CAPSL: variants seen among roughly 807,000 people sequenced by gnomAD.
CAPSL encodes the protein calcyphosin-like protein.
Under a neutral mutation model 21.3 loss-of-function variants are expected in CAPSL, and 17 were observed. That is an observed-to-expected ratio of 0.80 (90% CI 0.55 to 1.20). CAPSL has a LOEUF of 1.20. Among genes scored for constraint, CAPSL ranks in the 50% most tolerant of loss-of-function variants. The probability of loss-of-function intolerance (pLI) is 0.00; values close to 1 mark genes in which losing one functional copy is unlikely to be tolerated. For synonymous variants in CAPSL, 102 were observed against 89.3 expected (o/e 1.14, Z -0.80); for missense variants, 289 against 259.3 (o/e 1.11, Z -0.79).
chr5:35,938,465 T>C (rs1331349367), intron 1 of CAPSL, 76 bp downstream of exon 1: 6 of 152,026 alleles, frequency 3.9e-5, no homozygotes, highest in Admixed American at 3.3e-4. Flanking sequence ...ACATCTACTG[T>C]CTTCTTTTCT....
intron 1 of CAPSL, 114 bp from the exon 2 acceptor site, chr5:35,921,234 A>G (rs1738531446): frequency 7.6e-7 from 1 of 1,316,964 alleles, no homozygotes; most frequent in African/African-American, 1.5e-5. Flanking sequence ...CTGTCAGGAA[A>G]CCTCTCAGAA....
chr5:35,904,782 T>TA (rs1413457800), intron 4 of CAPSL, 136 bp from the exon 5 acceptor site: 268 of 1,303,516 alleles, frequency 2.1e-4, no homozygotes, highest in Middle Eastern at 2.8e-4. Flanking sequence ...GGAACTGATC[T>TA]AAAACAAAAG....
intron 2 of CAPSL, among the ~76,000 whole-genome samples, chr5:35,918,477 G>A (rs191335523): frequency 2.4e-4 from 36 of 152,276 alleles, no homozygotes; most frequent in African/African-American, 8.7e-4. Flanking sequence ...TGGAGGGCTA[G>A]GGGAGGGATA....
intron 2 of CAPSL, among the ~76,000 whole-genome samples, chr5:35,919,854 T>C (rs747873951): frequency 6.6e-6 from 1 of 152,120 alleles, no homozygotes; most frequent in Non-Finnish European, 1.5e-5. Flanking sequence ...AGAGACGCAG[T>C]GTGCAGTGGG....
intron 4 of CAPSL, 51 bp from the exon 5 acceptor site, chr5:35,904,697 C>G (rs1314872422): frequency 1.9e-6 from 3 of 1,606,588 alleles, no homozygotes; most frequent in Admixed American, 1.7e-5. Context: ...CTCACTCTGT[C>G]AATGGGCGCC....
chr5:35,912,709 T>C (rs1179127893), intron 2 of CAPSL, among the ~76,000 whole-genome samples: 1 of 152,136 alleles, frequency 6.6e-6, no homozygotes, highest in Non-Finnish European at 1.5e-5. Context: ...ACCTCATCTG[T>C]ATGTCACCAT....
chr5:35,921,023 C>A lies in CAPSL; in HGVS notation c.98G>T (p.Cys33Phe), dbSNP rs202096708. 1.2e-6 allele frequency: 2 copies of A among 1,614,160 alleles called. No homozygotes were observed. The highest frequency in any genetic ancestry group is 1.7e-6 in the Non-Finnish European group (2 of 1,180,016). ...TDPIERLRLQ[C>F]LARGSAGIKG... ...GATCCCAGCAGAGCCCCTGGCCAGG[C>A]ACTGCAGTCGGAGTCTTTCAATGGG... The change falls in exon 2 of 5, where the codon TGC (cysteine) becomes TTC (phenylalanine). Residue 33 changes from cysteine to phenylalanine, a missense_variant. Coordinates refer to ENST00000651391, the MANE Select transcript of CAPSL (RefSeq NM_001042625.2).
chr5:35,910,963 T>C (rs1430861923), intron 2 of CAPSL, among the ~76,000 whole-genome samples: 1 of 152,220 alleles, frequency 6.6e-6, no homozygotes, highest in Non-Finnish European at 1.5e-5. Context: ...AAAAAAATGA[T>C]TTAGGAAGTC....
At chr5:35,917,349 A>C (rs1188919462) in intron 2 of CAPSL, among the ~76,000 whole-genome samples, 2 of 152,248 alleles carry the variant, frequency 1.3e-5, no homozygotes, top group Non-Finnish European at 2.9e-5. Context: ...CACTTGACCC[A>C]GCCATCCCAT....
chr5:35,911,522 C>T lies in CAPSL; in HGVS notation c.138-979G>A, dbSNP rs370295445. 9.9e-5 allele frequency among the ~76,000 whole-genome samples: 15 copies of T among 152,262 alleles called. No individual in the cohort carries two copies. The East Asian group carries it at 2.5e-3, about 25-fold the overall frequency. Reference sequence around the variant, plus strand: ...GTGGGCATCCTACAAAATACTTGACCTCTCACATTCATCAAAAACCAGGAA... The same window carrying T: ...GTGGGCATCCTACAAAATACTTGACTTCTCACATTCATCAAAAACCAGGAA... On this transcript the variant is annotated intron_variant, in intron 2 of 4. Transcript: ENST00000651391.
chr5:35,926,271 C>A (rs559010072), intron 1 of CAPSL, among the ~76,000 whole-genome samples: 13 of 152,134 alleles, frequency 8.5e-5, no homozygotes, highest in Non-Finnish European at 1.5e-4. Flanking sequence ...AGGGAGAGGG[C>A]GGACTCGGGG....
At chr5:35,933,945 C>A (rs1355387571) in intron 1 of CAPSL, among the ~76,000 whole-genome samples, 1 of 152,182 alleles carries the variant, frequency 6.6e-6, no homozygotes, top group African/African-American at 2.4e-5. Context: ...TAAAGAATAT[C>A]ATAAATTGAA....
intron 2 of CAPSL, among the ~76,000 whole-genome samples, chr5:35,918,611 T>C (rs955991323): frequency 6.6e-6 from 1 of 152,134 alleles, no homozygotes; most frequent in Non-Finnish European, 1.5e-5. Context: ...TAAAGAATAA[T>C]TTTTTTAAAA....
intron 4 of CAPSL, among the ~76,000 whole-genome samples, chr5:35,909,584 C>T (rs1738156264): frequency 6.6e-6 from 1 of 152,036 alleles, no homozygotes; most frequent in Non-Finnish European, 1.5e-5. Flanking sequence ...CATCACATTC[C>T]CCAGATGACA....
At chr5:35,919,512 T>C (rs530207376) in intron 2 of CAPSL, among the ~76,000 whole-genome samples, 1 of 152,158 alleles carries the variant, frequency 6.6e-6, no homozygotes, top group Admixed American at 6.5e-5. Flanking sequence ...GTGCCGGGAG[T>C]CAATGCTTCA....
chr5:35,937,962 C>G (rs7445299), intron 1 of CAPSL, among the ~76,000 whole-genome samples: 151,464 of 152,282 alleles, frequency 0.99, 75,331 homozygotes, highest in Middle Eastern at 1. Context: ...TAAAGGACCC[C>G]CTCAAGTCTC....
At chr5:35,917,880 T>A (rs554244457) in intron 2 of CAPSL, among the ~76,000 whole-genome samples, 26 of 151,850 alleles carry the variant, frequency 1.7e-4, no homozygotes, top group East Asian at 5.8e-4. Context: ...AATAAAATTT[T>A]AAAAAAAAGC....
chr5:35,912,923 A>C (rs1738269749), intron 2 of CAPSL, among the ~76,000 whole-genome samples: 1 of 152,226 alleles, frequency 6.6e-6, no homozygotes, highest in Non-Finnish European at 1.5e-5. Flanking sequence ...CTAAAGGAGG[A>C]AGTTTGCACC....
chr5:35,906,895 A>G (rs1022400116), intron 4 of CAPSL, among the ~76,000 whole-genome samples: 1 of 152,214 alleles, frequency 6.6e-6, no homozygotes, highest in Non-Finnish European at 1.5e-5. Flanking sequence ...GCCAGAGGTC[A>G]GAGCTAATGT....
Sources: allele counts gnomAD v4.1 joint callset (sites outside exome capture counted in the v4.1 genomes callset), GRCh38; gene constraint gnomAD v4.1.1; transcripts MANE v1.5; gene names NCBI Gene and HGNC (gene_info 2026-07-23, HGNC 2026-07-21).